Variants in ERGIC3 observed in about 807,000 individuals in gnomAD.
The protein encoded by ERGIC3 is ERGIC and golgi 3, also known as endoplasmic reticulum-Golgi intermediate compartment protein 3.
In ERGIC3, 33 loss-of-function variants were observed where a neutral mutation model predicts 54.7. That is an observed-to-expected ratio of 0.60 (90% CI 0.46 to 0.81). The LOEUF (loss-of-function observed/expected upper bound fraction) is 0.81, where lower values mean the gene tolerates loss of function less well. Among genes scored for constraint, ERGIC3 ranks in the 30% least tolerant of loss-of-function variants. ERGIC3 has a pLI of 0.00. For missense variants in ERGIC3, 399 were observed against 488.4 expected, an observed-to-expected ratio of 0.82 and a Z score of 1.73; for synonymous variants, 186 against 189.8, an observed-to-expected ratio of 0.98 and a Z score of 0.16.
intron 8 of ERGIC3, among the ~76,000 whole-genome samples, chr20:35,555,317 TCAGGCGGGAG>T (rs1356688691): frequency 6.6e-6 from 1 of 151,898 alleles, no homozygotes; most frequent in Non-Finnish European, 1.5e-5. Flanking sequence ...CAGCGCAAGG[TCAGGCGGGAG>T]CATGGCCCTT....
At chr20:35,542,230 G>C in intron 1 of ERGIC3, 45 bp downstream of exon 1, 1 of 1,604,578 alleles carries the variant, frequency 6.2e-7, no homozygotes, top group Middle Eastern at 1.7e-4. Flanking sequence ...GGGCGTCCTA[G>C]AGCTTAGCCC....
chr20:35,544,371 A>C, intron 4 of ERGIC3: 1 of 274,170 alleles, frequency 3.6e-6, no homozygotes, highest in Non-Finnish European at 7.1e-6. Flanking sequence ...TTGTTGTTTA[A>C]ATTTATTTTT....
At chr20:35,544,443 G>A (rs1263734959) in intron 4 of ERGIC3, 2 of 311,838 alleles carry the variant, frequency 6.4e-6, no homozygotes, top group Non-Finnish European at 6.5e-6. Context: ...GTCTTTCTTG[G>A]CATCAGCTTT....
chr20:35,542,597 G>C lies in ERGIC3; in HGVS notation c.244G>C (p.Ala82Pro). Residue 82 changes from alanine to proline, a missense_variant, in exon 3 of 13, where the codon GCC (alanine) becomes CCC (proline). By Grantham distance (27) the Ala-to-Pro change is conservative. Coordinates refer to ENST00000348547, the MANE Select transcript of ERGIC3 (RefSeq NM_015966.3). The part of the protein sequence containing the change: ...IDVLFPHMPC[A>P]YLSIDAMDVA... The stretch of plus-strand genomic sequence containing the variant: ...TGTACTTTTTCCGCACATGCCTTGT[G>C]CCTGTGAGTACCTCACCATGGGTGG... 6.2e-7 allele frequency: 1 copy of C among 1,613,994 alleles called. No individual in the cohort carries two copies. The highest frequency in any genetic ancestry group is 1.1e-5 in the South Asian group (1 of 91,072).
At chr20:35,556,768 C>T in intron 10 of ERGIC3, 1 of 667,216 alleles carries the variant, frequency 1.5e-6, no homozygotes, top group East Asian at 2.8e-5. Context: ...AAAGACTTGG[C>T]ACCTGGAGGG....
chr20:35,543,359 A>G, intron 4 of ERGIC3: 1 of 335,852 alleles, frequency 3.0e-6, no homozygotes. Context: ...TAGGTTCTCA[A>G]GTCAGATTGC....
chr20:35,549,243 G>A (rs1006695488), intron 7 of ERGIC3: 1 of 472,956 alleles, frequency 2.1e-6, no homozygotes, highest in South Asian at 1.5e-5. Context: ...CCCCGTGTCC[G>A]ATGATGACCT....
chr20:35,545,714 G>T (rs1490984933), intron 4 of ERGIC3, among the ~76,000 whole-genome samples: 2 of 152,208 alleles, frequency 1.3e-5, no homozygotes, highest in African/African-American at 4.8e-5. Flanking sequence ...ATACTAGGAA[G>T]TGGGGATCAT....
At chr20:35,551,032 C>T (rs968501746) in intron 7 of ERGIC3, among the ~76,000 whole-genome samples, 7 of 152,092 alleles carry the variant, frequency 4.6e-5, no homozygotes, top group African/African-American at 1.4e-4. Flanking sequence ...ATGGAGTTGC[C>T]TGTAATCCTA....
chr20:35,554,275 T>C (rs1343681845), intron 7 of ERGIC3: 2 of 1,488,534 alleles, frequency 1.3e-6, no homozygotes, highest in African/African-American at 1.4e-5. Context: ...TGAGGCTGAA[T>C]GTTCCAGTCT....
intron 10 of ERGIC3, 108 bp downstream of exon 10, chr20:35,556,379 G>A: frequency 8.3e-7 from 1 of 1,209,168 alleles, no homozygotes; most frequent in Non-Finnish European, 1.2e-6. Context: ...GTCCTCACAT[G>A]GCGAATAAAA....
At chr20:35,546,087 A>T (rs1465307031) in intron 4 of ERGIC3, among the ~76,000 whole-genome samples, 1 of 152,192 alleles carries the variant, frequency 6.6e-6, no homozygotes, top group Non-Finnish European at 1.5e-5. Context: ...TCAAGAAGAG[A>T]GAGTGAGCAG....
chr20:35,557,171 A>T, intron 11 of ERGIC3, 23 bp from the exon 12 acceptor site: 2 of 1,614,160 alleles, frequency 1.2e-6, no homozygotes, highest in Non-Finnish European at 1.7e-6. Context: ...ATGCCTGCTG[A>T]GCCCACCCTC....
At chr20:35,547,349 T>G in intron 4 of ERGIC3, 63 bp from the exon 5 acceptor site, 1 of 1,287,320 alleles carries the variant, frequency 7.8e-7, no homozygotes. Flanking sequence ...TTGTGCAGAC[T>G]GGAGCCACCG....
chr20:35,548,321 T>C (rs998755120), intron 5 of ERGIC3, among the ~76,000 whole-genome samples, 188 bp from the exon 6 acceptor site: 4 of 152,026 alleles, frequency 2.6e-5, no homozygotes, highest in African/African-American at 4.8e-5. Flanking sequence ...TAAAAAAATT[T>C]TAAAAATTAA....
chr20:35,557,327 A>AGGGGCAGATGCTGGCC, intron 12 of ERGIC3, 78 bp downstream of exon 12: 1 of 1,610,046 alleles, frequency 6.2e-7, no homozygotes. Flanking sequence ...TTGGGGGTGA[A>AGGGGCAGATGCTGGCC]GGGGCAGATG....
intron 7 of ERGIC3, chr20:35,549,071 C>T: frequency 1.5e-6 from 1 of 688,096 alleles, no homozygotes; most frequent in Admixed American, 2.1e-5. Flanking sequence ...AGTTTCAGAC[C>T]TTACTGGCTG....
intron 4 of ERGIC3, chr20:35,544,393 G>T: frequency 3.5e-6 from 1 of 289,352 alleles, no homozygotes; most frequent in Non-Finnish European, 6.8e-6. Context: ...TTCTGTCAAG[G>T]TGTTCTTTAT....
At chr20:35,557,144 G>A (rs767063765) in intron 11 of ERGIC3, 35 bp downstream of exon 11, 1 of 1,614,212 alleles carries the variant, frequency 6.2e-7, no homozygotes, top group Non-Finnish European at 8.5e-7. Flanking sequence ...CTGGGGGCCT[G>A]GGCCTGAGGG....
Sources: gnomAD v4.1 joint callset for allele counts (sites outside exome capture counted in the v4.1 genomes callset) on GRCh38, gnomAD v4.1.1 for gene constraint, MANE v1.5 for transcripts, NCBI Gene and HGNC (gene_info 2026-07-23, HGNC 2026-07-21) for gene names.